Variants in FTSJ3 observed in about 807,000 individuals in gnomAD.
FTSJ3 encodes the protein pre-rRNA 2'-O-ribose RNA methyltransferase FTSJ3.
FTSJ3 carries 46 observed loss-of-function variants against 111.5 expected under a neutral mutation model. The ratio of observed to expected loss-of-function variants is 0.41; its 90% CI spans 0.33 to 0.53. FTSJ3 has a LOEUF of 0.53. Among genes scored for constraint, FTSJ3 ranks in the 20% least tolerant of loss-of-function variants. FTSJ3 has a pLI of 0.19. For missense variants in FTSJ3, 1,075 were observed against 1,063.8 expected (o/e 1.01, Z -0.15); for synonymous variants, 408 against 383.0 (o/e 1.07, Z -0.76).
Position 63,820,001 on chromosome 17 carries a change from G to A in FTSJ3, c.2352-7C>T, listed in dbSNP as rs747257896. On this transcript the variant is annotated splice_polypyrimidine_tract_variant and splice_region_variant and intron_variant, in intron 20 of 20. Transcript: ENST00000427159. Reference sequence around the variant, plus strand: ...CCCAGCCTTCTTGTAGAGACTACAGGGGGGAAGAGAAGAGGTTAGAGGCTT... The same window carrying A: ...CCCAGCCTTCTTGTAGAGACTACAGAGGGGAAGAGAAGAGGTTAGAGGCTT... 3.1e-6 allele frequency: 5 copies of A among 1,613,962 alleles called. No homozygotes were observed. Among genetic ancestry groups the A allele is most frequent in the Admixed American group, 3.3e-5 (2 of 60,002 alleles).
At chr17:63,826,955 G>T in intron 1 of FTSJ3, 27 bp from the exon 2 acceptor site, 1 of 1,468,616 alleles carries the variant, frequency 6.8e-7, no homozygotes, top group Non-Finnish European at 9.5e-7. Flanking sequence ...AGTTGGGAAC[G>T]TCTCTTTCCG....
At position 63,826,869 on chromosome 17, in the gene FTSJ3, G is replaced by C; in HGVS notation, c.34C>G (p.Arg12Gly). The C allele has an allele frequency of 6.2e-7, 1 of 1,614,104 alleles. No homozygotes were observed. The highest frequency in any genetic ancestry group is 8.5e-7 in the Non-Finnish European group (1 of 1,180,010). Residue 12 changes from arginine to glycine, a missense_variant, in exon 2 of 21, where the codon CGA becomes GGA. Coordinates refer to ENST00000427159, the MANE Select transcript of FTSJ3 (RefSeq NM_017647.4). ...TTCGCCAAGTGATAAAACTTGTCTC[G>C]TCGGCTCTTGCCAACTTTGCCCTTC... ...GKKGKVGKSR[R>G]DKFYHLAKET...
chr17:63,826,939 A>G lies in FTSJ3; in HGVS notation c.-26-11T>C. The G allele has an allele frequency of 6.4e-7, 1 of 1,570,178 alleles. No individual in the cohort carries two copies. Among genetic ancestry groups the G allele is most frequent in the South Asian group, 1.1e-5 (1 of 90,196 alleles). Reference sequence around the variant, plus strand: ...GGAGTATCCCTCAATCTGGGGAGAAAGTAGAAGTTGGGAACGTCTCTTTCC... The same window carrying G: ...GGAGTATCCCTCAATCTGGGGAGAAGGTAGAAGTTGGGAACGTCTCTTTCC... On this transcript the variant is annotated splice_polypyrimidine_tract_variant and intron_variant, in intron 1 of 20. Coordinates refer to ENST00000427159, the MANE Select transcript of FTSJ3 (RefSeq NM_017647.4).
Position 63,822,101 on chromosome 17 carries a change from T to C in FTSJ3, c.1358A>G (p.Asp453Gly), listed in dbSNP as rs2040057481. The stretch of plus-strand genomic sequence containing the variant: ...CTCAACATCTGACACATAGATATCA[T>C]CCCTTGGCAGATCGGACAGAAATGT... Reference protein sequence around the residue: ...ADTFLSDLPRDDIYVSDVEDD... With the variant: ...ADTFLSDLPRGDIYVSDVEDD... The change falls in exon 14 of 21, where the codon GAT becomes GGT. Residue 453 changes from aspartate (D) to glycine (G), a missense_variant. Asp to Gly is a moderately conservative substitution (Grantham distance 94). Around this residue, in one of 2 missense-constraint regions of FTSJ3, gnomAD observed 867 missense variants for 796.9 expected, o/e 1.09. Transcript: ENST00000427159. 6.2e-7 allele frequency: 1 copy of C among 1,614,038 alleles called. No individual in the cohort carries two copies. Among genetic ancestry groups the C allele is most frequent in the South Asian group, 1.1e-5 (1 of 91,092 alleles).
rs2040025703 is a variant in FTSJ3 at position 63,819,553 on chromosome 17, G to A, written c.*249C>T. On this transcript the variant is annotated 3_prime_UTR_variant, in exon 21 of 21. Transcript: ENST00000427159. ...CTCCAACACCGAACTTCCCTTTAAC[G>A]GTTTAAAAAAAGGGTCATGAGTGTC... is the stretch of plus-strand genomic sequence containing the variant. 1 of 451,060 alleles carries A rather than the reference G, an allele frequency of 2.2e-6. No individual in the cohort carries two copies. The highest frequency in any genetic ancestry group is 3.7e-5 in the Admixed American group (1 of 26,680). 27.9% of individuals were successfully genotyped at this position (451,060 alleles called of 1,614,324 possible). A position where few individuals can be genotyped will look rare whatever the true frequency, so the allele number is the denominator to read the frequency against.
At chr17:63,821,186 GC>G (rs1210380801) in intron 16 of FTSJ3, 71 bp from the exon 17 acceptor site, 11 of 1,565,778 alleles carry the variant, frequency 7.0e-6, no homozygotes. Flanking sequence ...CACGGAATTT[GC>G]AAAAATCCTG....
Position 63,827,496 on chromosome 17 carries a change from G to A in FTSJ3, c.-471C>T, listed in dbSNP as rs189695790. The stretch of plus-strand genomic sequence containing the variant: ...GTCTCTGCTGAAGAGAGAAGATGGC[G>A]CTTGACGGACCAGAGCAGGTATGGC... On this transcript the variant is annotated 5_prime_UTR_variant, in exon 1 of 21. Transcript: ENST00000427159. 18 of 1,551,760 alleles carry A rather than the reference G, an allele frequency of 1.2e-5. No individual in the cohort carries two copies. In the African/African-American group the frequency reaches 2.3e-4, roughly 20 times the overall value.
intron 13 of FTSJ3, among the ~76,000 whole-genome samples, chr17:63,823,216 C>A (rs188380943): frequency 2.1e-3 from 316 of 152,306 alleles, no homozygotes; most frequent in African/African-American, 7.2e-3. Flanking sequence ...TGAGGGAGAT[C>A]CTCTATTCAT....
At chr17:63,825,752 C>A in intron 5 of FTSJ3, 117 bp from the exon 6 acceptor site, 1 of 814,780 alleles carries the variant, frequency 1.2e-6, no homozygotes, top group Non-Finnish European at 2.0e-6. Context: ...GTACCAGGCA[C>A]AGGAGATACA....
Position 63,819,644 on chromosome 17 carries a change from T to C in FTSJ3, c.*158A>G, listed in dbSNP as rs2040026935. 1.5e-6 allele frequency: 1 copy of C among 667,068 alleles called. No individual in the cohort carries two copies. Among genetic ancestry groups the C allele is most frequent in the Non-Finnish European group, 2.5e-6 (1 of 393,014 alleles). 41.3% of individuals were successfully genotyped at this position (667,068 alleles called of 1,614,324 possible). On this transcript the variant is annotated 3_prime_UTR_variant, in exon 21 of 21. Transcript: ENST00000427159. ...GGCAGGAGGACATCCTCCTCTCTGC[T>C]CAGGACCACCACGGGAGTTCTAGGC...
In FTSJ3 at chr17:63,821,541, T is replaced by C. The variant is rs546579575; in HGVS notation, c.1699A>G (p.Lys567Glu). The change falls in exon 16 of 21, where the codon AAG becomes GAG. Residue 567 changes from lysine to glutamate, a missense_variant. Physicochemically the swap from Lys to Glu is moderately conservative, Grantham distance 56. Coordinates refer to ENST00000427159, the MANE Select transcript of FTSJ3 (RefSeq NM_017647.4). ...NRRKGRQQQQ[K>E]QQLPQTPPSC... is the part of the protein sequence containing the mutation. ...GGGGGTGTCTGTGGCAGCTGCTGCT[T>C]CTGCTGCTGCTGCCGTCCCTTCCGC... is the stretch of plus-strand genomic sequence containing the variant. 6.2e-7 allele frequency: 1 copy of C among 1,614,002 alleles called. No homozygotes were observed.
intron 13 of FTSJ3, among the ~76,000 whole-genome samples, chr17:63,822,545 C>T (rs1380910402): frequency 2.6e-5 from 4 of 152,214 alleles, no homozygotes; most frequent in African/African-American, 9.7e-5. Flanking sequence ...AGTTTGTTTC[C>T]ACTGAATAAA....
In FTSJ3 at chr17:63,824,243, G is replaced by T. The variant is rs1005708607; in HGVS notation, c.999-4C>A. ...ATCTTCCTCTCCAGAGCTGAGGCTG[G>T]CAAAACAGTCCCAAGAGTTGGGTTA... On this transcript the variant is annotated splice_region_variant and splice_polypyrimidine_tract_variant and intron_variant, in intron 11 of 20. Transcript: ENST00000427159. 1.2e-6 allele frequency: 2 copies of T among 1,614,084 alleles called. No homozygotes were observed. Among genetic ancestry groups the T allele is most frequent in the Admixed American group, 3.3e-5 (2 of 60,008 alleles).
At chr17:63,820,480 C>T in intron 18 of FTSJ3, 42 bp from the exon 19 acceptor site, 1 of 1,597,662 alleles carries the variant, frequency 6.3e-7, no homozygotes, top group South Asian at 1.1e-5. Context: ...ACATTCCAGG[C>T]TTTCTAAAGA....
chr17:63,822,358 G>A (rs2040059808), intron 13 of FTSJ3, among the ~76,000 whole-genome samples, 190 bp from the exon 14 acceptor site: 1 of 151,996 alleles, frequency 6.6e-6, no homozygotes, highest in Non-Finnish European at 1.5e-5. Flanking sequence ...GTTCTAGGCT[G>A]GGTTACTGAT....
At position 63,824,310 on chromosome 17, in the gene FTSJ3, C is replaced by CT. The variant is rs1350975688; in HGVS notation, c.998+20dup. ...CCCTGGACACCCAGTCCACACCTGC[C>CT]TCGCTGCGTTCTCTCCTCACCTGAT... On this transcript the variant is annotated intron_variant, in intron 11 of 20. Transcript: ENST00000427159. The CT allele has an allele frequency of 4.3e-6, 7 of 1,614,086 alleles. No homozygotes were observed. The African/African-American group carries it at 6.7e-5, about 15-fold the overall frequency.
rs200921516 is a variant in FTSJ3, at chr17:63,824,391, G to C, written c.938C>G (p.Thr313Arg). Residue 313 changes from threonine to arginine, a missense_variant, in exon 11 of 21, where the codon ACA becomes AGA. Transcript: ENST00000427159. ...KELRSLLNWR[T>R]KLRRYVAKKL... Reference sequence around the variant, plus strand: ...CTTGGCCACATATCGCCGAAGTTTTGTTCTCCAGTTTAGTAGCGACCTGCC... The same window carrying C: ...CTTGGCCACATATCGCCGAAGTTTTCTTCTCCAGTTTAGTAGCGACCTGCC... 1 of 1,613,936 alleles carries C rather than the reference G, an allele frequency of 6.2e-7. No homozygotes were observed. Among genetic ancestry groups the C allele is most frequent in the African/African-American group, 1.3e-5 (1 of 74,884 alleles).
Position 63,824,240 on chromosome 17 carries a change from CT to C in FTSJ3, c.999-2del. 6.2e-7 allele frequency: 1 copy of C among 1,614,200 alleles called. No homozygotes were observed. The highest frequency in any genetic ancestry group is 8.5e-7 in the Non-Finnish European group (1 of 1,180,038). On this transcript the variant is annotated splice_acceptor_variant, in intron 11 of 20. Coordinates refer to ENST00000427159, the MANE Select transcript of FTSJ3 (RefSeq NM_017647.4). LOFTEE classifies it high-confidence loss of function. Reference sequence around the variant, plus strand: ...TTCATCTTCCTCTCCAGAGCTGAGGCTGGCAAAACAGTCCCAAGAGTTGGGT... The same window carrying C: ...TTCATCTTCCTCTCCAGAGCTGAGGCGGCAAAACAGTCCCAAGAGTTGGGT...
At position 63,825,388 on chromosome 17, in the gene FTSJ3, C is replaced by T. The variant is rs372104659; in HGVS notation, c.449G>A (p.Arg150His). ...ALRLACDFLA[R>H]GGSFITKVFR... ...AACCTTTGTGATGAAGCTGCCACCA[C>T]GGGCCAAAAAGTCACAAGCCAAACG... The change falls in exon 7 of 21, where the codon CGT (arginine) becomes CAT (histidine). Residue 150 changes from arginine to histidine, a missense_variant. By Grantham distance (29) the Arg-to-His change is conservative. Transcript: ENST00000427159. 2.4e-5 allele frequency: 39 copies of T among 1,614,062 alleles called. No individual in the cohort carries two copies. The highest frequency in any genetic ancestry group is 1.6e-4 in the Middle Eastern group (1 of 6,084).
Sources: gnomAD v4.1 joint callset for allele counts (sites outside exome capture counted in the v4.1 genomes callset) on GRCh38, gnomAD v4.1.1 for gene constraint, gnomAD v4.1.1 regional missense constraint, MANE v1.5 for transcripts, NCBI Gene and HGNC (gene_info 2026-07-23, HGNC 2026-07-21) for gene names.